The following DHX8 variants were observed in gnomAD, a reference collection of about 807,000 sequenced individuals.
DHX8 encodes DEAH-box helicase 8, also known as ATP-dependent RNA helicase DHX8.
A neutral mutation model predicts 140.7 loss-of-function variants in DHX8; 67 were observed. The observed-to-expected ratio is 0.48, with a 90% CI of 0.39 to 0.58. DHX8 has a LOEUF of 0.58. DHX8 is among the 20% of genes least tolerant of loss of function. DHX8 has a pLI of 0.00. For synonymous variants in DHX8, 533 were observed against 553.2 expected (o/e 0.96, Z 0.51); for missense variants, 887 against 1,550.7 (o/e 0.57, Z 7.19).
At chr17:43,489,372 A>T in intron 1 of DHX8, 77 bp from the exon 2 acceptor site, 1 of 946,954 alleles carries the variant, frequency 1.1e-6, no homozygotes, top group South Asian at 1.4e-5. Flanking sequence ...TAACCTAATT[A>T]GTTTTGTTTT....
At chr17:43,544,078 T>A (rs1383406309) in intron 3 of DHX8, 1 of 152,206 alleles carries the variant, frequency 6.6e-6, no homozygotes, top group Non-Finnish European at 1.5e-5. Flanking sequence ...ATTTTCATAG[T>A]GTTAAAATAA....
intron 3 of DHX8, among the ~76,000 whole-genome samples, chr17:43,536,789 C>G (rs77171826): frequency 6.6e-6 from 1 of 152,256 alleles, no homozygotes; most frequent in African/African-American, 2.4e-5. Context: ...CACAGGCCCA[C>G]GGGTTGGACA....
chr17:43,506,687 C>T (rs1447915684), intron 12 of DHX8, among the ~76,000 whole-genome samples: 6 of 151,044 alleles, frequency 4.0e-5, no homozygotes, highest in African/African-American at 1.2e-4. Flanking sequence ...TTTAACTAGT[C>T]CTATATCCAT....
chr17:43,508,607 T>G, intron 16 of DHX8, 87 bp downstream of exon 16: 1 of 832,860 alleles, frequency 1.2e-6, no homozygotes, highest in Non-Finnish European at 1.8e-6. Flanking sequence ...TTGCTTAGGG[T>G]GTATGCAAGT....
intron 16 of DHX8, among the ~76,000 whole-genome samples, chr17:43,509,185 G>A (rs1261326598): frequency 6.6e-6 from 1 of 152,172 alleles, no homozygotes; most frequent in Non-Finnish European, 1.5e-5. Flanking sequence ...TGGATACCCA[G>A]GCGGGAGCAC....
chr17:43,530,433 A>G, downstream of DHX8: 2 of 1,396,120 alleles, frequency 1.4e-6, no homozygotes, highest in Non-Finnish European at 1.9e-6. Flanking sequence ...GGGCTGGGCA[A>G]GCTGTTCTGA....
chr17:43,521,884 G>A lies in DHX8; in HGVS notation c.3264-163G>A, dbSNP rs1012348582. Among the ~76,000 whole-genome samples the A allele has an allele frequency of 3.7e-4, 56 of 152,152 alleles. 3 individuals carry two copies. The highest frequency in any genetic ancestry group is 7.3e-5 in the Non-Finnish European group (5 of 68,034). On this transcript the variant is annotated intron_variant, in intron 21 of 22. Coordinates refer to ENST00000262415, the MANE Select transcript of DHX8 (RefSeq NM_004941.3). ...AAAGTGTCTGTCTCTGAGTGCCTCC[G>A]TCTGCCCACTGTGTAGAGCTGCCTC...
intron 1 of DHX8, among the ~76,000 whole-genome samples, chr17:43,487,248 T>C (rs947176458): frequency 2.6e-5 from 4 of 152,246 alleles, no homozygotes; most frequent in Admixed American, 2.6e-4. Flanking sequence ...ACTAACTTAT[T>C]ATGCATAAGA....
chr17:43,489,578 A>G, intron 2 of DHX8, 44 bp downstream of exon 2: 1 of 1,365,504 alleles, frequency 7.3e-7, no homozygotes, highest in Non-Finnish European at 1.0e-6. Flanking sequence ...TTAATGTTTT[A>G]ATTTATGTTT....
intron 8 of DHX8, 85 bp from the exon 9 acceptor site, chr17:43,496,096 T>C: frequency 9.7e-7 from 1 of 1,036,176 alleles, no homozygotes; most frequent in South Asian, 1.4e-5. Flanking sequence ...AGATCCTGTC[T>C]CAAAAAAACA....
chr17:43,543,276 A>ACTCTCT lies in DHX8; in HGVS notation c.*21-870_*21-865dup, dbSNP rs60214474. Among the ~76,000 whole-genome samples the ACTCTCT allele has an allele frequency of 4.8e-3, 657 of 138,230 alleles. 4 individuals are homozygous for ACTCTCT. Among genetic ancestry groups the ACTCTCT allele is most frequent in the East Asian group, 0.02 (87 of 4,454 alleles). 90.7% of individuals were successfully genotyped at this position (138,230 alleles called of 152,430 possible). A position where few individuals can be genotyped will look rare whatever the true frequency, so the allele number is the denominator to read the frequency against. ...AGCAGCATGTAACTAACACACACAC[A>ACTCTCT]CTCTCTCTCTCTCTCTCTCTCACAC... On this transcript the variant is annotated intron_variant, in intron 3 of 3. Coordinates refer to the DHX8 transcript ENST00000589898.
intron 15 of DHX8, 126 bp downstream of exon 15, chr17:43,508,145 A>C: frequency 8.7e-7 from 1 of 1,154,986 alleles, no homozygotes; most frequent in Non-Finnish European, 1.2e-6. Flanking sequence ...ATCTCTCTGC[A>C]AGCCTCAGGC....
intron 13 of DHX8, 117 bp downstream of exon 13, chr17:43,507,314 A>G (rs775544227): frequency 8.0e-7 from 1 of 1,248,856 alleles, no homozygotes; most frequent in Admixed American, 2.6e-5. Flanking sequence ...TGAGGGAGAG[A>G]GGGTTCCCAT....
At chr17:43,495,682 G>A (rs1195384336) in intron 8 of DHX8, among the ~76,000 whole-genome samples, 4 of 152,136 alleles carry the variant, frequency 2.6e-5, no homozygotes, top group African/African-American at 4.8e-5. Context: ...ACAGCACCAT[G>A]TTGGAGAACC....
intron 18 of DHX8, 101 bp from the exon 19 acceptor site, chr17:43,520,029 C>A: frequency 7.1e-7 from 1 of 1,401,294 alleles, no homozygotes; most frequent in South Asian, 1.3e-5. Flanking sequence ...TTCCTAATTG[C>A]AATTGAAGAA....
intron 18 of DHX8, chr17:43,519,177 A>G (rs1457291782): frequency 2.0e-5 from 3 of 152,212 alleles, no homozygotes; most frequent in Admixed American, 1.3e-4. Context: ...AGGAACCACC[A>G]AACTTTTCTA....
chr17:43,510,297 C>T (rs912852526), intron 16 of DHX8, among the ~76,000 whole-genome samples: 7 of 152,190 alleles, frequency 4.6e-5, no homozygotes, highest in Non-Finnish European at 1.0e-4. Flanking sequence ...ATCTGCCCCC[C>T]TCGGCCTCCC....
intron 3 of DHX8, among the ~76,000 whole-genome samples, chr17:43,490,884 A>G (rs1968479588): frequency 6.6e-6 from 1 of 152,088 alleles, no homozygotes; most frequent in Admixed American, 6.6e-5. Flanking sequence ...TTCAAGGGGA[A>G]AAAAAATTTC....
Position 43,491,173 on chromosome 17 carries a change from G to T in DHX8, c.316G>T (p.Val106Phe). 1 of 1,526,828 alleles carries T rather than the reference G, an allele frequency of 6.5e-7. No homozygotes were observed. The allele number at this position is 1,526,828 out of a possible 1,614,324, so 94.6% of individuals were successfully genotyped here. A position where few individuals can be genotyped will look rare whatever the true frequency, so the allele number is the denominator to read the frequency against. Residue 106 changes from valine to phenylalanine, a missense_variant, in exon 4 of 23, where the codon GTT (valine) becomes TTT (phenylalanine). Transcript: ENST00000262415. ...AKPSTSKDPV[V>F]KPKTEKEKLK... The stretch of plus-strand genomic sequence containing the variant: ...CTCTTTAATGAAACAAGATCCAGTT[G>T]TTAAACCTAAAACAGAAAAAGAAAA...
Sources: gnomAD v4.1 joint callset for allele counts (sites outside exome capture counted in the v4.1 genomes callset) on GRCh38, gnomAD v4.1.1 for gene constraint, MANE v1.5 for transcripts, NCBI Gene and HGNC (gene_info 2026-07-23, HGNC 2026-07-21) for gene names.